Variants in CSNK2A2IP observed in about 807,000 individuals in gnomAD.
CSNK2A2IP encodes casein kinase II subunit alpha'-interacting protein.
chr3:88,440,545 A>T, the CSNK2A2IP span, among the ~76,000 whole-genome samples: 1 of 152,306 alleles, frequency 6.6e-6, no homozygotes, highest in Admixed American at 6.5e-5. Context: ...GGAAAGGTAA[A>T]TTGTCTTAAA....
At chr3:88,357,722 T>A in the CSNK2A2IP span, among the ~76,000 whole-genome samples, 5 of 151,378 alleles carry the variant, frequency 3.3e-5, no homozygotes, top group African/African-American at 1.2e-4. Flanking sequence ...ACATAAAATA[T>A]CTTTTATGTT....
the CSNK2A2IP span, among the ~76,000 whole-genome samples, chr3:88,422,696 C>T: frequency 2.6e-5 from 4 of 152,228 alleles, no homozygotes; most frequent in East Asian, 1.9e-4. Flanking sequence ...TTTCATTCTC[C>T]TAATAGAAAC....
the CSNK2A2IP span, among the ~76,000 whole-genome samples, chr3:88,350,447 G>A: frequency 2.8e-3 from 431 of 152,032 alleles, 1 homozygote; most frequent in Middle Eastern, 0.01. Flanking sequence ...GGAATTCATC[G>A]CTAGGACTGT....
At chr3:88,436,579 A>T in the CSNK2A2IP span, among the ~76,000 whole-genome samples, 1 of 152,152 alleles carries the variant, frequency 6.6e-6, no homozygotes, top group Non-Finnish European at 1.5e-5. Context: ...AAAATACAAA[A>T]GTGTACAGAC....
the CSNK2A2IP span, among the ~76,000 whole-genome samples, chr3:88,367,293 G>T: frequency 2.0e-5 from 3 of 152,192 alleles, no homozygotes; most frequent in East Asian, 5.8e-4. Flanking sequence ...ATTTGTGAAA[G>T]TCATTCTCAG....
the CSNK2A2IP span, among the ~76,000 whole-genome samples, chr3:88,450,984 C>G: frequency 2.0e-4 from 31 of 151,980 alleles, no homozygotes; most frequent in Non-Finnish European, 3.4e-4. Context: ...AAAAAATTTC[C>G]TTTATTTCCC....
chr3:88,351,413 T>A, the CSNK2A2IP span, among the ~76,000 whole-genome samples: 3 of 152,012 alleles, frequency 2.0e-5, no homozygotes, highest in Admixed American at 2.0e-4. Flanking sequence ...TTTCTTTTTT[T>A]CCTAAATTCA....
the CSNK2A2IP span, among the ~76,000 whole-genome samples, chr3:88,341,690 A>T: frequency 3.3e-5 from 5 of 152,036 alleles, no homozygotes; most frequent in Non-Finnish European, 7.4e-5. Flanking sequence ...GCTTTAGATG[A>T]CCTTGAACTA....
chr3:88,360,871 G>A, the CSNK2A2IP span, among the ~76,000 whole-genome samples: 3 of 151,682 alleles, frequency 2.0e-5, no homozygotes, highest in South Asian at 6.2e-4. Flanking sequence ...TGGTTACCAT[G>A]AGAATTACAA....
At chr3:88,420,588 A>G in the CSNK2A2IP span, among the ~76,000 whole-genome samples, 33 of 152,316 alleles carry the variant, frequency 2.2e-4, no homozygotes, top group African/African-American at 7.7e-4. Flanking sequence ...TCTACAACAT[A>G]AAAATGTTTA....
At chr3:88,459,579 A>T in the CSNK2A2IP span, among the ~76,000 whole-genome samples, 64 of 152,086 alleles carry the variant, frequency 4.2e-4, no homozygotes, top group Non-Finnish European at 5.0e-4. Context: ...CATTGGCCAG[A>T]TTTTCCTAAA....
At chr3:88,425,718 T>C in the CSNK2A2IP span, among the ~76,000 whole-genome samples, 362 of 152,282 alleles carry the variant, frequency 2.4e-3, no homozygotes, top group South Asian at 0.025. Flanking sequence ...TAAGCATTGG[T>C]ATAACTTTTA....
chr3:88,465,385 C>T, the CSNK2A2IP span: 1 of 1,231,624 alleles, frequency 8.1e-7, no homozygotes, highest in East Asian at 3.2e-5. Context: ...TTATGGTCAA[C>T]ACTTTGTGCC....
chr3:88,419,431 T>C, the CSNK2A2IP span, among the ~76,000 whole-genome samples: 2 of 152,212 alleles, frequency 1.3e-5, no homozygotes, highest in East Asian at 3.9e-4. Context: ...GCAAAGGACA[T>C]GATTTCATTA....
the CSNK2A2IP span, among the ~76,000 whole-genome samples, chr3:88,419,698 T>C: frequency 6.6e-6 from 1 of 152,144 alleles, no homozygotes; most frequent in African/African-American, 2.4e-5. Flanking sequence ...TTAAGAGTAA[T>C]GTTATTTGAG....
chr3:88,377,872 T>G, the CSNK2A2IP span, among the ~76,000 whole-genome samples: 5 of 152,098 alleles, frequency 3.3e-5, no homozygotes, highest in Admixed American at 3.3e-4. Context: ...AGTGACCATA[T>G]GTGACTTTTA....
At chr3:88,381,611 A>G in the CSNK2A2IP span, among the ~76,000 whole-genome samples, 4 of 152,218 alleles carry the variant, frequency 2.6e-5, no homozygotes, top group African/African-American at 7.2e-5. Context: ...GTGGTTCTCA[A>G]GAGGGTGTAT....
the CSNK2A2IP span, among the ~76,000 whole-genome samples, chr3:88,377,496 CTT>C: frequency 1.3e-5 from 2 of 149,034 alleles, no homozygotes; most frequent in South Asian, 2.1e-4. Flanking sequence ...ATTACAATTG[CTT>C]TTTTTTTTCA....
chr3:88,411,568 G>T, the CSNK2A2IP span, among the ~76,000 whole-genome samples: 1 of 151,842 alleles, frequency 6.6e-6, no homozygotes, highest in Non-Finnish European at 1.5e-5. Flanking sequence ...CAACTAAACA[G>T]ATACGGATTT....
Sources: allele counts gnomAD v4.1 joint callset (sites outside exome capture counted in the v4.1 genomes callset), GRCh38; gene constraint gnomAD v4.1.1; transcripts MANE v1.5; gene names NCBI Gene and HGNC (gene_info 2026-07-23, HGNC 2026-07-21).